STIM2: variants seen among roughly 807,000 people sequenced by gnomAD.
STIM2 encodes the protein stromal interaction molecule 2.
Under a neutral mutation model 85.8 loss-of-function variants are expected in STIM2, and 31 were observed. That is an observed-to-expected ratio of 0.36 (90% CI 0.27 to 0.49). STIM2 has a LOEUF of 0.49. Among genes scored for constraint, STIM2 ranks in the 20% least tolerant of loss-of-function variants. The pLI is 0.98. For synonymous variants in STIM2, 356 were observed against 331.1 expected, an observed-to-expected ratio of 1.08 and a Z score of -0.82; for missense variants, 841 against 927.6, an observed-to-expected ratio of 0.91 and a Z score of 1.21.
rs550958132 is a variant in STIM2, at chr4:26,864,392, T to C, written c.151+3023T>C. 3.3e-5 allele frequency among the ~76,000 whole-genome samples: 5 copies of C among 152,194 alleles called. No homozygotes were observed. The South Asian group carries it at 1.0e-3, about 32-fold the overall frequency. The stretch of plus-strand genomic sequence containing the variant: ...AAACAATAGTTTTTTTTTTCCTTCT[T>C]TGTCTAACAGATTTAGAGTTGATGA... On this transcript the variant is annotated intron_variant, in intron 1 of 11. Transcript: ENST00000467087.
intron 2 of STIM2, among the ~76,000 whole-genome samples, chr4:26,940,968 A>G (rs1400159797): frequency 6.6e-6 from 1 of 152,126 alleles, no homozygotes; most frequent in Non-Finnish European, 1.5e-5. Context: ...TGGTCCAGGG[A>G]CCATGCTCTG....
intron 1 of STIM2, among the ~76,000 whole-genome samples, chr4:26,862,283 A>G (rs935817358): frequency 3.4e-5 from 5 of 148,138 alleles, no homozygotes; most frequent in Admixed American, 6.7e-5. Flanking sequence ...CCCTGAAATG[A>G]TTTCTTTGGG....
intron 2 of STIM2, among the ~76,000 whole-genome samples, chr4:26,928,869 A>G (rs2109072704): frequency 6.6e-6 from 1 of 152,334 alleles, no homozygotes; most frequent in East Asian, 1.9e-4. Context: ...CTTTGATATG[A>G]GAGGTGAATT....
chr4:26,905,888 CTTAAA>C (rs558335393), intron 1 of STIM2, among the ~76,000 whole-genome samples: 2 of 152,034 alleles, frequency 1.3e-5, no homozygotes, highest in South Asian at 4.1e-4. Flanking sequence ...ATTACTGTAT[CTTAAA>C]TTATATTGTT....
chr4:26,939,165 C>T (rs1261762340), intron 2 of STIM2, among the ~76,000 whole-genome samples: 1 of 152,066 alleles, frequency 6.6e-6, no homozygotes, highest in Non-Finnish European at 1.5e-5. Context: ...AGTACTTTTT[C>T]CCTGTCCTGC....
At chr4:27,002,792 T>G (rs1228049615) in intron 6 of STIM2, 135 bp from the exon 7 acceptor site, 1 of 869,342 alleles carries the variant, frequency 1.2e-6, no homozygotes, top group Admixed American at 4.0e-5. Context: ...TTAACCAAAC[T>G]TAAGGCTAAT....
At chr4:27,016,292 TG>T (rs1728728414) in intron 10 of STIM2, among the ~76,000 whole-genome samples, 1 of 152,232 alleles carries the variant, frequency 6.6e-6, no homozygotes. Context: ...CTTGGTCAAT[TG>T]TTACAGCAGT....
chr4:26,885,844 T>TAC (rs1723209758), intron 1 of STIM2, among the ~76,000 whole-genome samples: 7 of 38,766 alleles, frequency 1.8e-4, no homozygotes, highest in South Asian at 7.0e-4. Context: ...TATATATATA[T>TAC]ATATATATAT....
chr4:26,928,628 C>A (rs913958034), intron 2 of STIM2, among the ~76,000 whole-genome samples: 1 of 152,080 alleles, frequency 6.6e-6, no homozygotes, highest in East Asian at 1.9e-4. Context: ...CCTGCCTCGG[C>A]CTCCCAAAGT....
intron 3 of STIM2, among the ~76,000 whole-genome samples, chr4:26,967,744 C>G (rs1726776726): frequency 1.3e-5 from 2 of 152,172 alleles, no homozygotes; most frequent in African/African-American, 4.8e-5. Context: ...GGTCCAGCGA[C>G]ATCTTTCATC....
chr4:26,901,585 A>G (rs1002167517), intron 1 of STIM2, among the ~76,000 whole-genome samples: 1 of 152,046 alleles, frequency 6.6e-6, no homozygotes, highest in African/African-American at 2.4e-5. Context: ...TTTGGGCCTT[A>G]TAGATGTTGT....
intron 3 of STIM2, among the ~76,000 whole-genome samples, chr4:26,965,216 T>A (rs541905152): frequency 6.6e-6 from 1 of 152,254 alleles, no homozygotes; most frequent in South Asian, 2.1e-4. Flanking sequence ...GAGTAACAGA[T>A]GTCATCATTT....
chr4:26,894,638 C>T (rs891449544), intron 1 of STIM2, among the ~76,000 whole-genome samples: 1 of 151,564 alleles, frequency 6.6e-6, no homozygotes, highest in African/African-American at 2.4e-5. Flanking sequence ...GTTCTGGGCT[C>T]TTTATTTTTT....
At chr4:26,892,414 A>T (rs1327888335) in intron 1 of STIM2, among the ~76,000 whole-genome samples, 5 of 152,142 alleles carry the variant, frequency 3.3e-5, no homozygotes, top group Non-Finnish European at 5.9e-5. Flanking sequence ...CTCCTGTTTC[A>T]TAAGAGCACT....
intron 1 of STIM2, among the ~76,000 whole-genome samples, chr4:26,866,190 C>T (rs926480011): frequency 6.6e-6 from 1 of 152,146 alleles, no homozygotes; most frequent in South Asian, 2.1e-4. Flanking sequence ...TTACCTCCCC[C>T]ACAAGTAGTC....
intron 2 of STIM2, among the ~76,000 whole-genome samples, chr4:26,952,567 G>A (rs908115674): frequency 2.0e-5 from 3 of 152,020 alleles, no homozygotes; most frequent in African/African-American, 4.8e-5. Context: ...TTTTGCAGGG[G>A]AGAAAACTGA....
chr4:26,892,433 T>G (rs1723528216), intron 1 of STIM2, among the ~76,000 whole-genome samples: 1 of 152,130 alleles, frequency 6.6e-6, no homozygotes, highest in Admixed American at 6.6e-5. Context: ...CTAATCCTAT[T>G]CAAGACGGCG....
Position 26,919,641 on chromosome 4 carries a change from G to A in STIM2, c.282+7G>A. ...AGTAGAGGAAAGTGATGAAGTAGGT[G>A]GAAAAATGTTTTCCTTGCTATTGTC... On this transcript the variant is annotated splice_region_variant and intron_variant, in intron 2 of 11. Coordinates refer to ENST00000467087, the MANE Select transcript of STIM2 (RefSeq NM_020860.4). The A allele has an allele frequency of 6.2e-7, 1 of 1,612,876 alleles. No individual in the cohort carries two copies.
chr4:27,012,493 A>G (rs1728594234), intron 10 of STIM2, among the ~76,000 whole-genome samples: 1 of 151,994 alleles, frequency 6.6e-6, no homozygotes, highest in South Asian at 2.1e-4. Flanking sequence ...TGGTAGGTAT[A>G]TATGTTACCT....
Sources: allele counts gnomAD v4.1 joint callset (sites outside exome capture counted in the v4.1 genomes callset), GRCh38; gene constraint gnomAD v4.1.1; transcripts MANE v1.5; gene names NCBI Gene and HGNC (gene_info 2026-07-23, HGNC 2026-07-21).